The following C2CD5 variants were observed in gnomAD, a reference collection of about 807,000 sequenced individuals.
The protein encoded by C2CD5 is C2 domain-containing protein 5.
A neutral mutation model predicts 130.3 loss-of-function variants in C2CD5; 109 were observed. The ratio of observed to expected loss-of-function variants is 0.84; its 90% confidence interval spans 0.72 to 0.98. The LOEUF (loss-of-function observed/expected upper bound fraction) is 0.98, where lower values mean the gene tolerates loss of function less well. Ranked by LOEUF, C2CD5 falls within the 50% of genes least tolerant of loss-of-function variation. The pLI, the probability that C2CD5 is intolerant of heterozygous loss-of-function variation, is 0.00. For synonymous variants in C2CD5, 454 were observed against 429.2 expected (o/e 1.06, Z -0.71); for missense variants, 996 against 1,261.8 (o/e 0.79, Z 3.19).
chr12:22,456,266 T>A (rs925015872), intron 25 of C2CD5, among the ~76,000 whole-genome samples: 6 of 152,342 alleles, frequency 3.9e-5, no homozygotes, highest in African/African-American at 1.2e-4. Flanking sequence ...TTATTGGATG[T>A]CACACCTCAG....
At chr12:22,468,174 G>C (rs1271760237) in intron 22 of C2CD5, among the ~76,000 whole-genome samples, 1 of 150,238 alleles carries the variant, frequency 6.7e-6, no homozygotes, top group Non-Finnish European at 1.5e-5. Context: ...TCTGTATAAA[G>C]TAGATGTTAA....
chr12:22,530,255 A>T (rs1011213516), intron 3 of C2CD5, among the ~76,000 whole-genome samples: 1 of 147,296 alleles, frequency 6.8e-6, no homozygotes, highest in African/African-American at 2.6e-5. Context: ...TATACATACA[A>T]CTGTGTATAT....
At chr12:22,538,977 CT>C (rs1952083184) in intron 2 of C2CD5, among the ~76,000 whole-genome samples, 1 of 152,092 alleles carries the variant, frequency 6.6e-6, no homozygotes, top group Non-Finnish European at 1.5e-5. Context: ...AATTTTTCCC[CT>C]TTCTACTGGA....
intron 2 of C2CD5, among the ~76,000 whole-genome samples, chr12:22,542,591 C>A (rs1487733911): frequency 6.6e-6 from 1 of 152,198 alleles, no homozygotes; most frequent in East Asian, 1.9e-4. Context: ...TCCTTCAAGG[C>A]CCACTTCAAA....
At chr12:22,483,794 T>C (rs567213652) in intron 13 of C2CD5, among the ~76,000 whole-genome samples, 5 of 152,172 alleles carry the variant, frequency 3.3e-5, no homozygotes, top group Non-Finnish European at 7.4e-5. Context: ...AAGAACTGGA[T>C]AGAGAAAGGT....
chr12:22,507,298 G>A (rs7307084), intron 9 of C2CD5, among the ~76,000 whole-genome samples: 5,904 of 152,272 alleles, frequency 0.039, 383 homozygotes, highest in African/African-American at 0.13. Flanking sequence ...GAGGATAAGT[G>A]AGAGGATAAG....
chr12:22,451,434 T>C (rs1414004386), intron 26 of C2CD5, among the ~76,000 whole-genome samples: 1 of 152,136 alleles, frequency 6.6e-6, no homozygotes, highest in Admixed American at 6.6e-5. Context: ...TTTGTGTATA[T>C]GCAAGATCTC....
rs1235676984 is a variant in C2CD5 at position 22,449,834 on chromosome 12, A to C, written c.3082T>G (p.Leu1028Val). Residue 1028 changes from leucine (L) to valine (V), a missense_variant, in exon 27 of 27, where the codon TTA (leucine) becomes GTA (valine). Leu to Val is a conservative substitution (Grantham distance 32). Transcript: ENST00000446597. ...GGTTGCTGAGATGACACCACTTCTAAGTCAGATTCACGAACAAAAACCACT... is the reference window on the plus strand; with the variant it reads ...GGTTGCTGAGATGACACCACTTCTACGTCAGATTCACGAACAAAAACCACT... Reference protein sequence around the residue: ...DAVVFVRESDLEVVSSQQPTT... With the variant: ...DAVVFVRESDVEVVSSQQPTT... The C allele has an allele frequency of 6.2e-7, 1 of 1,611,602 alleles. No individual in the cohort carries two copies. Among genetic ancestry groups the C allele is most frequent in the African/African-American group, 1.3e-5 (1 of 74,980 alleles).
At chr12:22,506,530 CT>C (rs1948555535) in intron 10 of C2CD5, among the ~76,000 whole-genome samples, 180 bp downstream of exon 10, 1 of 152,004 alleles carries the variant, frequency 6.6e-6, no homozygotes. Context: ...AGAAAAGTAA[CT>C]AAAATACACT....
intron 10 of C2CD5, chr12:22,502,591 T>C (rs913664182): frequency 1.4e-5 from 6 of 432,982 alleles, no homozygotes; most frequent in African/African-American, 1.2e-4. Context: ...CCATTGAAAT[T>C]ACAAGAGTTA....
At chr12:22,478,620 C>A in intron 14 of C2CD5, 143 bp from the exon 15 acceptor site, 1 of 646,222 alleles carries the variant, frequency 1.5e-6, no homozygotes, top group Non-Finnish European at 2.6e-6. Context: ...CCAAGGCGGG[C>A]AGATCACTTG....
At chr12:22,511,819 C>A (rs770164593) in intron 9 of C2CD5, among the ~76,000 whole-genome samples, 4 of 152,124 alleles carry the variant, frequency 2.6e-5, no homozygotes, top group Non-Finnish European at 4.4e-5. Context: ...AGGGAACCCA[C>A]ATTTTTCTGT....
intron 10 of C2CD5, chr12:22,502,880 CAA>C (rs1263549376): frequency 1.3e-5 from 10 of 784,818 alleles, no homozygotes; most frequent in Non-Finnish European, 1.9e-5. Context: ...ACACTACAAA[CAA>C]GAACGCAATT....
chr12:22,485,300 A>C (rs573976812), intron 12 of C2CD5, among the ~76,000 whole-genome samples: 6 of 152,078 alleles, frequency 3.9e-5, no homozygotes, highest in Non-Finnish European at 8.8e-5. Context: ...TGGTTACCAG[A>C]GGCTGGGAAG....
chr12:22,535,328 G>A lies in C2CD5; in HGVS notation c.107C>T (p.Thr36Ile). 6.3e-7 allele frequency: 1 copy of A among 1,579,606 alleles called. No homozygotes were observed. The highest frequency in any genetic ancestry group is 8.7e-7 in the Non-Finnish European group (1 of 1,149,908). Residue 36 changes from threonine (T) to isoleucine (I), a missense_variant, in exon 3 of 27, where the codon ACC (threonine) becomes ATC (isoleucine). Physicochemically the swap from Thr to Ile is moderately conservative, Grantham distance 89. This residue lies in a region of C2CD5 where 68 missense variants were observed against 154.5 expected (regional missense o/e 0.44). Transcript: ENST00000446597. The stretch of plus-strand genomic sequence containing the variant: ...AAGGTACACATCTGTTTTAAAGGTG[G>A]TATTACCAAATTTTACCTAAAAACA... ...DAFVEVKFGN[T>I]TFKTDVYLKS...
At chr12:22,479,307 C>G (rs577852297) in intron 14 of C2CD5, among the ~76,000 whole-genome samples, 1 of 152,144 alleles carries the variant, frequency 6.6e-6, no homozygotes, top group East Asian at 1.9e-4. Flanking sequence ...CTCCTGACCT[C>G]AATTGATCCG....
intron 9 of C2CD5, among the ~76,000 whole-genome samples, chr12:22,508,720 A>C (rs1013484297): frequency 5.3e-5 from 8 of 152,180 alleles, no homozygotes; most frequent in Admixed American, 2.0e-4. Context: ...CGTATAGGTA[A>C]GCTTATATTA....
rs769416026 is a variant in C2CD5, at chr12:22,517,954, G to GA, written c.952+31dup. The GA allele has an allele frequency of 7.0e-5, 108 of 1,548,198 alleles. 2 individuals are homozygous for GA. In the South Asian group the frequency reaches 1.3e-3, roughly 18 times the overall value. On this transcript the variant is annotated intron_variant, in intron 8 of 26. Transcript: ENST00000446597. Reference sequence around the variant, plus strand: ...GAAATAGAAACAAATTTTTAAAAAAGAAAAAATAAAAGGTGGGTGGAAGCG... The same window carrying GA: ...GAAATAGAAACAAATTTTTAAAAAAGAAAAAAATAAAAGGTGGGTGGAAGCG...
At chr12:22,463,038 C>T (rs956603130) in intron 22 of C2CD5, among the ~76,000 whole-genome samples, 3 of 151,398 alleles carry the variant, frequency 2.0e-5, no homozygotes, top group Non-Finnish European at 2.9e-5. Context: ...GAGCCAAGAT[C>T]GCAGCACTGC....
Sources: allele counts gnomAD v4.1 joint callset (sites outside exome capture counted in the v4.1 genomes callset), GRCh38; gene constraint gnomAD v4.1.1; regional missense constraint gnomAD v4.1.1; transcripts MANE v1.5; gene names NCBI Gene and HGNC (gene_info 2026-07-23, HGNC 2026-07-21).